The following DOCK9 variants were observed in gnomAD, a reference collection of about 807,000 sequenced individuals.
DOCK9 encodes the protein dedicator of cytokinesis 9.
In DOCK9, 89 loss-of-function variants were observed where a neutral mutation model predicts 263.3. The ratio of observed to expected loss-of-function variants is 0.34; its 90% CI spans 0.28 to 0.40. The LOEUF (loss-of-function observed/expected upper bound fraction) is 0.40, where lower values mean the gene tolerates loss of function less well. DOCK9 is among the 10% of genes least tolerant of loss of function. The probability of loss-of-function intolerance (pLI) is 1.00; values close to 1 mark genes in which losing one functional copy is unlikely to be tolerated. For synonymous variants in DOCK9, 976 were observed against 973.1 expected, an observed-to-expected ratio of 1.00 and a Z score of -0.06; for missense variants, 2,140 against 2,603.4, an observed-to-expected ratio of 0.82 and a Z score of 3.87.
chr13:99,088,437 T>C (rs2042394810), upstream of DOCK9: 1 of 152,136 alleles, frequency 6.6e-6, no homozygotes, highest in African/African-American at 2.4e-5. Flanking sequence ...CAGTTCTCAT[T>C]TGAACTGTTG....
At chr13:98,898,937 C>T (rs2047838670) in intron 13 of DOCK9, among the ~76,000 whole-genome samples, 2 of 152,032 alleles carry the variant, frequency 1.3e-5, no homozygotes, top group Admixed American at 1.3e-4. Flanking sequence ...ACCCCTATTG[C>T]TAAAAAAGAT....
chr13:98,978,187 T>A, upstream of DOCK9: 1 of 1,032,356 alleles, frequency 9.7e-7, no homozygotes, highest in East Asian at 3.0e-5. Context: ...ATACACAGTG[T>A]ACTGCCTCTC....
intron 37 of DOCK9, chr13:98,846,476 T>A (rs1241980015): frequency 2.3e-6 from 3 of 1,321,712 alleles, no homozygotes; most frequent in African/African-American, 1.5e-5. Flanking sequence ...AGAACAAACA[T>A]GCAAAGGAAG....
intron 1 of DOCK9, among the ~76,000 whole-genome samples, chr13:99,020,656 G>A (rs1045960775): frequency 3.9e-5 from 6 of 152,128 alleles, no homozygotes; most frequent in African/African-American, 1.4e-4. Context: ...ATTGGTAGAC[G>A]TATTTACTAC....
At chr13:98,831,107 A>G (rs2092744109) in intron 41 of DOCK9, among the ~76,000 whole-genome samples, 1 of 152,248 alleles carries the variant, frequency 6.6e-6, no homozygotes, top group East Asian at 1.9e-4. Flanking sequence ...ATGGAATTTT[A>G]GTCAGTCCAA....
intron 2 of DOCK9, among the ~76,000 whole-genome samples, chr13:98,944,949 G>T (rs541319649): frequency 6.6e-6 from 1 of 152,148 alleles, no homozygotes; most frequent in African/African-American, 2.4e-5. Context: ...TTCAGTTTAG[G>T]AAAATAACAC....
At chr13:98,877,203 G>A (rs1336304117) in intron 27 of DOCK9, among the ~76,000 whole-genome samples, 1 of 152,194 alleles carries the variant, frequency 6.6e-6, no homozygotes, top group Non-Finnish European at 1.5e-5. Flanking sequence ...ACCCTGGGCA[G>A]GTCACTTCAC....
chr13:98,807,761 G>T lies in DOCK9; in HGVS notation c.5414C>A (p.Pro1805His), dbSNP rs763760950. The change falls in exon 48 of 53, where the codon CCC becomes CAC. Residue 1805 changes from proline (P) to histidine (H), a missense_variant. Pro to His is a moderately conservative substitution (Grantham distance 77). This residue lies in a region of DOCK9 where 619 missense variants were observed against 861.8 expected (regional missense o/e 0.72). Transcript: ENST00000682017. The stretch of plus-strand genomic sequence containing the variant: ...AATTTCCGACAGCGGTGTGAGTTTG[G>T]GTTCCTTGTAAATATACTCCTTTCC... ...EDGKEYIYKE[P>H]KLTPLSEISQ... 4 of 1,613,320 alleles carry T rather than the reference G, an allele frequency of 2.5e-6. No homozygotes were observed. Among genetic ancestry groups the T allele is most frequent in the Non-Finnish European group, 3.4e-6 (4 of 1,179,504 alleles).
intron 20 of DOCK9, chr13:98,885,342 A>G (rs2045520393): frequency 1.8e-6 from 1 of 551,308 alleles, no homozygotes. Context: ...GGTGGCTCAC[A>G]CCTGTAATCC....
At chr13:99,044,951 A>T (rs1047108312) in intron 1 of DOCK9, among the ~76,000 whole-genome samples, 1 of 152,162 alleles carries the variant, frequency 6.6e-6, no homozygotes, top group Non-Finnish European at 1.5e-5. Context: ...GCCCATAGAC[A>T]TATTCACCCA....
chr13:98,921,940 T>C (rs1566970880), intron 6 of DOCK9, 111 bp downstream of exon 6: 2 of 941,338 alleles, frequency 2.1e-6, no homozygotes, highest in Non-Finnish European at 3.2e-6. Flanking sequence ...AATCAGACAA[T>C]GTCCCTTTTG....
intron 35 of DOCK9, 74 bp from the exon 36 acceptor site, chr13:98,850,187 G>T: frequency 8.9e-7 from 1 of 1,128,184 alleles, no homozygotes; most frequent in South Asian, 1.7e-5. Context: ...TTGTGAAAAT[G>T]GGAAGGAACC....
At chr13:98,986,276 A>G (rs983192628) in intron 1 of DOCK9, among the ~76,000 whole-genome samples, 3 of 152,196 alleles carry the variant, frequency 2.0e-5, no homozygotes, top group Non-Finnish European at 4.4e-5. Context: ...GGACCATCTC[A>G]ATTTATAGGT....
intron 2 of DOCK9, among the ~76,000 whole-genome samples, chr13:98,953,990 G>A (rs1191392247): frequency 6.6e-6 from 1 of 152,170 alleles, no homozygotes; most frequent in Non-Finnish European, 1.5e-5. Context: ...TCTCACCTCT[G>A]TTGTAAGCTG....
chr13:99,015,137 C>T (rs1330322668), intron 1 of DOCK9, among the ~76,000 whole-genome samples: 1 of 152,330 alleles, frequency 6.6e-6, no homozygotes, highest in African/African-American at 2.4e-5. Context: ...CCTAAATATA[C>T]ACTTTACCAC....
intron 38 of DOCK9, among the ~76,000 whole-genome samples, chr13:98,842,275 G>A (rs911163970): frequency 6.6e-6 from 1 of 152,180 alleles, no homozygotes; most frequent in African/African-American, 2.4e-5. Context: ...TGTTTGCACA[G>A]CTCCAGCTGC....
chr13:99,009,302 A>C (rs1490014509), intron 1 of DOCK9, among the ~76,000 whole-genome samples: 1 of 152,184 alleles, frequency 6.6e-6, no homozygotes, highest in Non-Finnish European at 1.5e-5. Flanking sequence ...TGTTCCTTGA[A>C]AACATCAGCC....
At position 98,898,302 on chromosome 13, in the gene DOCK9, A is replaced by G. The variant is rs199946817; in HGVS notation, c.1504-41T>C. On this transcript the variant is annotated intron_variant, in intron 13 of 52. Coordinates refer to ENST00000682017, the MANE Select transcript of DOCK9 (RefSeq NM_001366683.2). Reference sequence around the variant, plus strand: ...ATAAAGCTATGAGATACTGCATCTCACTGAAAGAACTGTGACCTCAAGAGC... The same window carrying G: ...ATAAAGCTATGAGATACTGCATCTCGCTGAAAGAACTGTGACCTCAAGAGC... 1.4e-5 allele frequency: 21 copies of G among 1,495,482 alleles called. No individual in the cohort carries two copies. In the East Asian group the frequency reaches 3.2e-4, roughly 23 times the overall value. The allele number at this position is 1,495,482 out of a possible 1,614,324, so 92.6% of individuals were successfully genotyped here.
At chr13:98,859,751 G>GTATATATATATATATATATATATA (rs544974823) in intron 33 of DOCK9, 3 of 139,326 alleles carry the variant, frequency 2.2e-5, no homozygotes, top group South Asian at 2.4e-4. Context: ...GTGTGTGTGT[G>GTATATATATATATATATATATATA]TGTATATATA....
Sources: gnomAD v4.1 joint callset for allele counts (sites outside exome capture counted in the v4.1 genomes callset) on GRCh38, gnomAD v4.1.1 for gene constraint, gnomAD v4.1.1 regional missense constraint, MANE v1.5 for transcripts, NCBI Gene and HGNC (gene_info 2026-07-23, HGNC 2026-07-21) for gene names.